The following FAT1 variants were observed in gnomAD, a reference collection of about 807,000 sequenced individuals.
FAT1 encodes the protein protocadherin Fat 1.
A neutral mutation model predicts 329.8 loss-of-function variants in FAT1; 171 were observed. The ratio of observed to expected loss-of-function variants is 0.52; its 90% CI spans 0.46 to 0.59. FAT1 has a LOEUF of 0.59. Among genes scored for constraint, FAT1 ranks in the 20% least tolerant of loss-of-function variants. The probability of loss-of-function intolerance (pLI) is 0.00; values close to 1 mark genes in which losing one functional copy is unlikely to be tolerated. For missense variants in FAT1, 5,672 were observed against 5,774.4 expected (o/e 0.98, Z 0.57); for synonymous variants, 2,233 against 2,228.6 (o/e 1.00, Z -0.06).
chr4:186,688,131 A>G (rs976060192), intron 2 of FAT1, among the ~76,000 whole-genome samples: 5 of 151,786 alleles, frequency 3.3e-5, no homozygotes, highest in Non-Finnish European at 7.4e-5. Context: ...AAAAAAAAAA[A>G]AAGCCAACAC....
chr4:186,692,936 A>T (rs1189602947), intron 2 of FAT1, among the ~76,000 whole-genome samples: 1 of 152,184 alleles, frequency 6.6e-6, no homozygotes, highest in African/African-American at 2.4e-5. Flanking sequence ...AAACACGATA[A>T]CTGGAATTCT....
At chr4:186,634,317 AT>A (rs879587111) in intron 6 of FAT1, among the ~76,000 whole-genome samples, 10 of 152,106 alleles carry the variant, frequency 6.6e-5, no homozygotes, top group Non-Finnish European at 1.3e-4. Flanking sequence ...TTTGAAAAGA[AT>A]TTTTTTTCTC....
rs775133874 is a variant in FAT1, at chr4:186,709,469, A to G, written c.359T>C (p.Val120Ala). 1.2e-6 allele frequency: 2 copies of G among 1,613,734 alleles called. No individual in the cohort carries two copies. The highest frequency in any genetic ancestry group is 2.2e-5 in the East Asian group (1 of 44,884). Reference protein sequence around the residue: ...REVKDHYTLIVKALEKNTNVE... With the variant: ...REVKDHYTLIAKALEKNTNVE... ...ATTAGTATTTTTTTCAAGTGCTTTCACTATCAATGTGTAGTGATCCTTCAC... is the reference window on the plus strand; with the variant it reads ...ATTAGTATTTTTTTCAAGTGCTTTCGCTATCAATGTGTAGTGATCCTTCAC... Residue 120 changes from valine to alanine, a missense_variant, in exon 2 of 27, where the codon GTG (valine) becomes GCG (alanine). This residue lies in a region of FAT1 where 3,966 missense variants were observed against 3,915.2 expected (regional missense o/e 1.01). Transcript: ENST00000441802.
In FAT1 at chr4:186,588,706, G is replaced by A. The variant is rs1172869908; in HGVS notation, c.13653C>T (p.Ala4551=). ...ASTASCSDVS[A]CCEVESEVMM... is the part of the protein sequence containing the mutation. ...TGACCTCGGACTCCACTTCGCAGCA[G>A]GCTGACACGTCAGAGCAGGAGGCGG... The change falls in exon 27 of 27, where the codon GCC becomes GCT. Residue 4551 remains alanine (A), a synonymous_variant. Transcript: ENST00000441802. The A allele has an allele frequency of 6.2e-7, 1 of 1,613,968 alleles. No individual in the cohort carries two copies. Among genetic ancestry groups the A allele is most frequent in the Non-Finnish European group, 8.5e-7 (1 of 1,179,896 alleles).
chr4:186,654,862 T>C (rs1027871917), intron 3 of FAT1, among the ~76,000 whole-genome samples: 3 of 150,572 alleles, frequency 2.0e-5, no homozygotes. Flanking sequence ...TGAGCCAAGA[T>C]GGCATCTCTG....
intron 11 of FAT1, 58 bp downstream of exon 11, chr4:186,616,947 T>C: frequency 1.4e-6 from 2 of 1,473,776 alleles, no homozygotes; most frequent in African/African-American, 1.4e-5. Flanking sequence ...ATGGTCCCAT[T>C]GAAAGAATTA....
intron 11 of FAT1, 62 bp from the exon 12 acceptor site, chr4:186,614,406 G>A (rs990216980): frequency 1.4e-5 from 15 of 1,067,020 alleles, no homozygotes; most frequent in South Asian, 4.3e-5. Context: ...AAACATCAAG[G>A]GAATAATGGA....
In FAT1 at chr4:186,602,967, C is replaced by A. The variant is rs2126422998; in HGVS notation, c.11418G>T (p.Val3806=). 6.2e-7 allele frequency: 1 copy of A among 1,613,926 alleles called. No individual in the cohort carries two copies. Among genetic ancestry groups the A allele is most frequent in the Non-Finnish European group, 8.5e-7 (1 of 1,179,802 alleles). ...TGTGTTTCTCCTCCCAGGGATCAGA[C>A]ACACATTCGGATCCCTCAGGGCACG... is the stretch of plus-strand genomic sequence containing the variant. ...DDPCPEGSEC[V]SDPWEEKHTC... The change falls in exon 20 of 27, where the codon GTG becomes GTT. Residue 3806 remains valine, a synonymous_variant. Coordinates refer to ENST00000441802, the MANE Select transcript of FAT1 (RefSeq NM_005245.4).
At chr4:186,601,554 A>G in intron 20 of FAT1, 128 bp from the exon 21 acceptor site, 1 of 651,018 alleles carries the variant, frequency 1.5e-6, no homozygotes, top group Admixed American at 3.0e-5. Flanking sequence ...TTACTATCCA[A>G]TTCTGTGGGA....
intron 1 of FAT1, among the ~76,000 whole-genome samples, chr4:186,721,952 C>T (rs907877876): frequency 3.3e-5 from 5 of 152,206 alleles, no homozygotes; most frequent in African/African-American, 1.2e-4. Flanking sequence ...GATTCTCCTG[C>T]CTCAGCCTCC....
intron 1 of FAT1, among the ~76,000 whole-genome samples, chr4:186,711,522 C>G (rs1744951243): frequency 6.6e-6 from 1 of 152,042 alleles, no homozygotes; most frequent in Non-Finnish European, 1.5e-5. Context: ...AAAAGTTCAA[C>G]CTACAGGTAT....
chr4:186,666,200 GAAATA>G (rs1278846980), intron 2 of FAT1, among the ~76,000 whole-genome samples: 50 of 140,524 alleles, frequency 3.6e-4, no homozygotes, highest in African/African-American at 1.1e-3. Flanking sequence ...AAAAAAAAAT[GAAATA>G]AAATAAAATA....
chr4:186,692,538 T>A (rs1743831139), intron 2 of FAT1, among the ~76,000 whole-genome samples: 2 of 152,200 alleles, frequency 1.3e-5, no homozygotes, highest in Admixed American at 6.5e-5. Context: ...GGTCTCGATC[T>A]CCTGACCTCG....
intron 2 of FAT1, among the ~76,000 whole-genome samples, chr4:186,687,488 C>G (rs1329112949): frequency 6.6e-6 from 1 of 152,162 alleles, no homozygotes; most frequent in African/African-American, 2.4e-5. Context: ...GAGATACACA[C>G]AAACAAGGAA....
chr4:186,657,889 C>T (rs1428074110), intron 3 of FAT1, among the ~76,000 whole-genome samples: 3 of 152,158 alleles, frequency 2.0e-5, no homozygotes, highest in African/African-American at 4.8e-5. Flanking sequence ...GTCGATTTCC[C>T]GAGGTTGTTC....
At chr4:186,722,252 T>C (rs1236387754) in intron 1 of FAT1, among the ~76,000 whole-genome samples, 1 of 152,196 alleles carries the variant, frequency 6.6e-6, no homozygotes, top group Non-Finnish European at 1.5e-5. Flanking sequence ...AATATACAGG[T>C]GGCCCGAAAT....
rs926336062 is a variant in FAT1 at position 186,706,846 on chromosome 4, C to G, written c.2982G>C (p.Lys994Asn). 2 of 1,613,990 alleles carry G rather than the reference C, an allele frequency of 1.2e-6. No individual in the cohort carries two copies. The highest frequency in any genetic ancestry group is 2.7e-5 in the African/African-American group (2 of 75,048). Residue 994 changes from lysine to asparagine, a missense_variant, in exon 2 of 27, where the codon AAG becomes AAC. Physicochemically the swap from Lys to Asn is moderately conservative, Grantham distance 94 (BLOSUM62 0). Transcript: ENST00000441802. The part of the protein sequence containing the change: ...RIVQQLDFEK[K>N]QVYNLTVRAK... ...CCCTCACAGTGAGATTATACACTTG[C>G]TTCTTCTCAAAGTCCAACTGCTGGA...
intron 2 of FAT1, among the ~76,000 whole-genome samples, chr4:186,679,469 C>A (rs1579437489): frequency 1.3e-5 from 2 of 148,970 alleles, no homozygotes; most frequent in African/African-American, 4.9e-5. Flanking sequence ...CCCCACACAT[C>A]TGGTGTCAGA....
intron 6 of FAT1, 48 bp from the exon 7 acceptor site, chr4:186,633,871 G>A (rs1445690237): frequency 1.2e-6 from 2 of 1,606,474 alleles, no homozygotes; most frequent in Non-Finnish European, 1.7e-6. Context: ...ATAACACTCT[G>A]TAGTTTATTC....
Sources: gnomAD v4.1 joint callset for allele counts (sites outside exome capture counted in the v4.1 genomes callset) on GRCh38, gnomAD v4.1.1 for gene constraint, gnomAD v4.1.1 regional missense constraint, MANE v1.5 for transcripts, NCBI Gene and HGNC (gene_info 2026-07-23, HGNC 2026-07-21) for gene names.